FMN2: variants seen among roughly 807,000 people sequenced by gnomAD.
The protein encoded by FMN2 is formin 2, also known as formin-2.
FMN2 carries 51 observed loss-of-function variants against 142.3 expected under a neutral mutation model. The observed-to-expected ratio is 0.36, with a 90% confidence interval of 0.29 to 0.45. The LOEUF (loss-of-function observed/expected upper bound fraction) is 0.45. Among genes scored for constraint, FMN2 ranks in the 20% least tolerant of loss-of-function variants. The pLI is 1.00. For missense variants in FMN2, 1,936 were observed against 2,122.8 expected (o/e 0.91, Z 1.73); for synonymous variants, 882 against 869.8 (o/e 1.01, Z -0.25).
At chr1:240,403,881 A>G (rs1674067989) in intron 15 of FMN2, among the ~76,000 whole-genome samples, 1 of 152,214 alleles carries the variant, frequency 6.6e-6, no homozygotes, top group African/African-American at 2.4e-5. Context: ...TCTCCTACTT[A>G]AATAATAGCA....
At chr1:240,124,625 T>C (rs998646999) in intron 2 of FMN2, among the ~76,000 whole-genome samples, 3 of 152,152 alleles carry the variant, frequency 2.0e-5, no homozygotes, top group Non-Finnish European at 2.9e-5. Flanking sequence ...AATTGAAGGT[T>C]GGCTCACTTG....
chr1:240,164,301 T>A (rs1412336294), intron 2 of FMN2, among the ~76,000 whole-genome samples: 1 of 152,210 alleles, frequency 6.6e-6, no homozygotes, highest in Non-Finnish European at 1.5e-5. Context: ...CCAGACAAAT[T>A]AAGCAACCTT....
chr1:240,356,163 T>C (rs1249450528), intron 14 of FMN2, among the ~76,000 whole-genome samples: 1 of 152,134 alleles, frequency 6.6e-6, no homozygotes, highest in Non-Finnish European at 1.5e-5. Context: ...CATGACAGTA[T>C]ATACACTAGA....
At chr1:240,328,807 C>T (rs1434921236) in intron 8 of FMN2, among the ~76,000 whole-genome samples, 1 of 152,056 alleles carries the variant, frequency 6.6e-6, no homozygotes, top group Non-Finnish European at 1.5e-5. Context: ...CCAAGCCAGT[C>T]CTCAAACTCC....
intron 2 of FMN2, chr1:240,143,876 A>G (rs1663305869): frequency 1.3e-6 from 2 of 1,586,092 alleles, no homozygotes; most frequent in African/African-American, 1.3e-5. Context: ...CACAGGCAGC[A>G]GCAGTGTTAG....
chr1:240,314,470 A>G (rs1223647872), intron 8 of FMN2, among the ~76,000 whole-genome samples: 1 of 152,212 alleles, frequency 6.6e-6, no homozygotes, highest in East Asian at 1.9e-4. Context: ...AAATGAAAAA[A>G]TAGTCCAAAT....
At chr1:240,147,797 T>C (rs1663553819) in intron 2 of FMN2, among the ~76,000 whole-genome samples, 1 of 152,224 alleles carries the variant, frequency 6.6e-6, no homozygotes, top group Admixed American at 6.5e-5. Flanking sequence ...TCTTATGCTA[T>C]TCTGTGTTAC....
intron 4 of FMN2, among the ~76,000 whole-genome samples, chr1:240,199,334 T>C (rs1666043898): frequency 6.6e-6 from 1 of 152,192 alleles, no homozygotes; most frequent in Non-Finnish European, 1.5e-5. Context: ...ATAAGCAGCT[T>C]TTAAATTCTA....
rs376983479 is a variant in FMN2 at position 240,208,373 on chromosome 1, G to A, written c.3561G>A (p.Pro1187=). The A allele has an allele frequency of 1.7e-4, 265 of 1,529,662 alleles. No individual in the cohort carries two copies. Among genetic ancestry groups the A allele is most frequent in the Non-Finnish European group, 2.1e-4 (239 of 1,136,204 alleles). The allele number at this position is 1,529,662 out of a possible 1,614,324, so 94.8% of individuals were successfully genotyped here. A position where few individuals can be genotyped will look rare whatever the true frequency, so the allele number is the denominator to read the frequency against. The part of the protein sequence containing the change: ...PPLPGVGIPP[P]PPLPGVGIPP... Reference sequence around the variant, plus strand: ...TACCTGGAGTGGGAATACCTCCTCCGCCCCCTCTACCTGGAGTGGGAATAC... The same window carrying A: ...TACCTGGAGTGGGAATACCTCCTCCACCCCCTCTACCTGGAGTGGGAATAC... Residue 1187 remains proline, a synonymous_variant, in exon 5 of 18, where the codon CCG becomes CCA. Transcript: ENST00000319653.
chr1:240,334,739 T>A (rs1340046362), intron 13 of FMN2, among the ~76,000 whole-genome samples: 2 of 152,184 alleles, frequency 1.3e-5, no homozygotes, highest in African/African-American at 2.4e-5. Context: ...TAGGCCGAAA[T>A]TTTTCAAATT....
intron 3 of FMN2, 108 bp downstream of exon 3, chr1:240,178,176 A>C (rs1665004206): frequency 8.0e-7 from 1 of 1,253,168 alleles, no homozygotes; most frequent in African/African-American, 1.5e-5. Context: ...ATTGCATGGC[A>C]TTCAGATATA....
chr1:240,093,573 G>T lies in FMN2; in HGVS notation c.1464G>T (p.Glu488Asp), dbSNP rs1347020731. The change falls in exon 1 of 18, where the codon GAG becomes GAT. Residue 488 changes from glutamate (E) to aspartate (D), a missense_variant. Physicochemically the swap from Glu to Asp is conservative, Grantham distance 45. Transcript: ENST00000319653. ...GCCGCTCGGCTGACTGGACGGAGGAGCTAGGCGCCCGCACGCCCCGGGTGG... is the reference window on the plus strand; with the variant it reads ...GCCGCTCGGCTGACTGGACGGAGGATCTAGGCGCCCGCACGCCCCGGGTGG... ...GLSRSADWTEELGARTPRVGG... is the reference protein window; with the variant it reads ...GLSRSADWTEDLGARTPRVGG... 4 of 1,463,962 alleles carry T rather than the reference G, an allele frequency of 2.7e-6. No homozygotes were observed. The highest frequency in any genetic ancestry group is 3.6e-6 in the Non-Finnish European group (4 of 1,117,970). 90.7% of individuals were successfully genotyped at this position (1,463,962 alleles called of 1,614,324 possible). A position where few individuals can be genotyped will look rare whatever the true frequency, so the allele number is the denominator to read the frequency against.
intron 15 of FMN2, among the ~76,000 whole-genome samples, chr1:240,401,316 C>T (rs9729725): frequency 0.69 from 105,260 of 151,974 alleles, 36,983 homozygotes; most frequent in African/African-American, 0.81. Flanking sequence ...TATCATGTTC[C>T]ATGTATCATA....
rs552044657 is a variant in FMN2, at chr1:240,225,300, T to C, written c.4065+14065T>C. Among the ~76,000 whole-genome samples, 413 of 152,292 alleles carry C rather than the reference T, an allele frequency of 2.7e-3. 3 individuals carry two copies. In the South Asian group the frequency reaches 0.027, roughly 10 times the overall value. On this transcript the variant is annotated intron_variant, in intron 6 of 17. Coordinates refer to ENST00000319653, the MANE Select transcript of FMN2 (RefSeq NM_020066.5). Reference sequence around the variant, plus strand: ...AGAAAAAATTGGTAAATTCCCTGAATGTGATAGCAGACTCCAAGGCACCCC... The same window carrying C: ...AGAAAAAATTGGTAAATTCCCTGAACGTGATAGCAGACTCCAAGGCACCCC...
Position 240,230,721 on chromosome 1 carries a change from G to A in FMN2, c.4065+19486G>A, listed in dbSNP as rs148490459. 2.8e-3 allele frequency among the ~76,000 whole-genome samples: 370 copies of A among 131,942 alleles called. 103 individuals carry two copies. The highest frequency in any genetic ancestry group is 0.012 in the African/African-American group (366 of 30,978). The allele number at this position is 131,942 out of a possible 152,430, so 86.6% of individuals were successfully genotyped here. A position where few individuals can be genotyped will look rare whatever the true frequency, so the allele number is the denominator to read the frequency against. On this transcript the variant is annotated intron_variant, in intron 6 of 17. Coordinates refer to ENST00000319653, the MANE Select transcript of FMN2 (RefSeq NM_020066.5). ...TTTTAATACTCTCCTGTATAATGTT[G>A]TTGGTGTTTTTACTTGCAGCTCCTT...
At chr1:240,220,677 G>C (rs1431851146) in intron 6 of FMN2, among the ~76,000 whole-genome samples, 1 of 151,814 alleles carries the variant, frequency 6.6e-6, no homozygotes, top group African/African-American at 2.4e-5. Flanking sequence ...TTGTGTGTGT[G>C]TGTGTGTGTG....
At chr1:240,325,139 CTTGAGCCCAGGAGT>C (rs932173301) in intron 8 of FMN2, among the ~76,000 whole-genome samples, 5 of 151,900 alleles carry the variant, frequency 3.3e-5, no homozygotes, top group African/African-American at 1.2e-4. Flanking sequence ...AGGCAAACAG[CTTGAGCCCAGGAGT>C]TTGAGACCAG....
intron 3 of FMN2, among the ~76,000 whole-genome samples, chr1:240,181,661 T>C (rs1313424142): frequency 1.3e-5 from 2 of 152,134 alleles, no homozygotes; most frequent in Non-Finnish European, 2.9e-5. Flanking sequence ...CCTTTTGAAG[T>C]CTGCAGAACA....
chr1:240,197,799 G>A (rs1665970973), intron 4 of FMN2, among the ~76,000 whole-genome samples: 1 of 151,924 alleles, frequency 6.6e-6, no homozygotes, highest in Admixed American at 6.6e-5. Flanking sequence ...CTCCAGAGTA[G>A]CTGGGATTAC....
Sources: gnomAD v4.1 joint callset for allele counts (sites outside exome capture counted in the v4.1 genomes callset) on GRCh38, gnomAD v4.1.1 for gene constraint, MANE v1.5 for transcripts, NCBI Gene and HGNC (gene_info 2026-07-23, HGNC 2026-07-21) for gene names.